KLF12: variants seen among roughly 807,000 people sequenced by gnomAD.
KLF12 encodes Krueppel-like factor 12.
KLF12 carries 9 observed loss-of-function variants against 37.8 expected under a neutral mutation model. The observed-to-expected ratio is 0.24, with a 90% CI of 0.14 to 0.42. The LOEUF (loss-of-function observed/expected upper bound fraction) is 0.42. KLF12 is among the 10% of genes least tolerant of loss of function. The pLI is 1.00. For missense variants in KLF12, 411 were observed against 516.0 expected (o/e 0.80, Z 1.97); for synonymous variants, 208 against 202.1 (o/e 1.03, Z -0.25).
chr13:74,001,087 T>A (rs1263316111), intron 1 of KLF12, among the ~76,000 whole-genome samples: 1 of 152,210 alleles, frequency 6.6e-6, no homozygotes, highest in Non-Finnish European at 1.5e-5. Flanking sequence ...TACTACCACA[T>A]GTAGTACTGC....
intron 1 of KLF12, among the ~76,000 whole-genome samples, chr13:74,010,106 C>T (rs1892512011): frequency 2.0e-5 from 3 of 152,010 alleles, no homozygotes; most frequent in African/African-American, 7.2e-5. Flanking sequence ...TGCACCACCA[C>T]ACCTGGCTGA....
At chr13:74,087,308 T>G (rs2138796035) in intron 1 of KLF12, among the ~76,000 whole-genome samples, 1 of 151,990 alleles carries the variant, frequency 6.6e-6, no homozygotes, top group African/African-American at 2.4e-5. Flanking sequence ...GTTATATAGG[T>G]CAGAGACAAG....
intron 1 of KLF12, among the ~76,000 whole-genome samples, chr13:74,026,950 C>G (rs1400168249): frequency 6.6e-6 from 1 of 152,228 alleles, no homozygotes; most frequent in African/African-American, 2.4e-5. Context: ...AGTCAGGGGC[C>G]TGCCTTTGGT....
intron 5 of KLF12, among the ~76,000 whole-genome samples, chr13:73,772,368 A>T (rs1323628284): frequency 6.6e-6 from 1 of 152,240 alleles, no homozygotes; most frequent in Non-Finnish European, 1.5e-5. Context: ...GAGCTTAGAC[A>T]AATAATTGAC....
chr13:74,244,992 T>A, the KLF12 span, among the ~76,000 whole-genome samples: 152 of 152,234 alleles, frequency 1.0e-3, 3 homozygotes, highest in East Asian at 0.017. Flanking sequence ...TATTTAGGAT[T>A]TGGAAAAGTC....
At chr13:74,177,733 T>C in the KLF12 span, among the ~76,000 whole-genome samples, 5 of 152,134 alleles carry the variant, frequency 3.3e-5, no homozygotes, top group Admixed American at 6.6e-5. Context: ...GTGGTGCCGA[T>C]GGAGAAGAGA....
intron 1 of KLF12, among the ~76,000 whole-genome samples, chr13:74,104,157 G>T (rs1876520407): frequency 3.3e-5 from 5 of 152,184 alleles, no homozygotes; most frequent in Admixed American, 3.3e-4. Flanking sequence ...GGACTTGTGA[G>T]TCATCACATT....
rs373909446 is a variant in KLF12 at position 73,846,300 on chromosome 13, G to T, written c.197C>A (p.Pro66Gln). 14 of 1,613,914 alleles carry T rather than the reference G, an allele frequency of 8.7e-6. No homozygotes were observed. Among genetic ancestry groups the T allele is most frequent in the Non-Finnish European group, 1.2e-5 (14 of 1,179,926 alleles). Reference sequence around the variant, plus strand: ...GTGATCTACAGATAACGAGTCCTCCGGGGGCTCCCCTTTCACATTATTTAG... The same window carrying T: ...GTGATCTACAGATAACGAGTCCTCCTGGGGCTCCCCTTTCACATTATTTAG... The change falls in exon 4 of 8, where the codon CCG (proline) becomes CAG (glutamine). Residue 66 changes from proline (P) to glutamine (Q), a missense_variant. Physicochemically the swap from Pro to Gln is moderately conservative, Grantham distance 76 (BLOSUM62 -1). Transcript: ENST00000377669.
chr13:73,799,099 C>T (rs149826591), intron 5 of KLF12, among the ~76,000 whole-genome samples: 63 of 152,174 alleles, frequency 4.1e-4, no homozygotes, highest in African/African-American at 1.4e-3. Context: ...AGCAAGATCC[C>T]GTCTTTTGCA....
intron 1 of KLF12, among the ~76,000 whole-genome samples, chr13:74,050,816 T>G (rs1242226618): frequency 2.0e-5 from 3 of 152,048 alleles, no homozygotes; most frequent in Non-Finnish European, 4.4e-5. Context: ...TGCTAAACAT[T>G]CATTTGATAA....
chr13:74,193,525 A>G, the KLF12 span, among the ~76,000 whole-genome samples: 3 of 152,146 alleles, frequency 2.0e-5, no homozygotes, highest in Non-Finnish European at 4.4e-5. Context: ...TGCTATGCAA[A>G]CTGGTTACTG....
intron 5 of KLF12, among the ~76,000 whole-genome samples, chr13:73,803,423 T>C (rs993184534): frequency 6.6e-6 from 1 of 152,090 alleles, no homozygotes; most frequent in Non-Finnish European, 1.5e-5. Flanking sequence ...TAAAATGTAA[T>C]CTTACCAGAG....
At position 73,695,593 on chromosome 13, in the gene KLF12, C is replaced by A; in HGVS notation, c.1106G>T (p.Arg369Leu). The stretch of plus-strand genomic sequence containing the variant: ...GAATGGCTTCACTCCCGTATGTTTG[C>A]GGTAATGCCTCGTCAGTTCATCTGA... The change falls in exon 8 of 8, where the codon CGC becomes CTC. Residue 369 changes from arginine to leucine, a missense_variant. Around this residue, in one of 2 missense-constraint regions of KLF12, gnomAD observed 60 missense variants for 118.2 expected, o/e 0.51. Transcript: ENST00000377669. 1 of 1,614,074 alleles carries A rather than the reference C, an allele frequency of 6.2e-7. No homozygotes were observed. Among genetic ancestry groups the A allele is most frequent in the Non-Finnish European group, 8.5e-7 (1 of 1,179,976 alleles).
At chr13:74,265,912 T>G in the KLF12 span, among the ~76,000 whole-genome samples, 1 of 152,238 alleles carries the variant, frequency 6.6e-6, no homozygotes, top group Non-Finnish European at 1.5e-5. Flanking sequence ...CTACCATCAA[T>G]GACTGAAATG....
rs574892305 is a variant in KLF12, at chr13:73,812,984, T to C, written c.806+168A>G. On this transcript the variant is annotated intron_variant, in intron 5 of 7. Coordinates refer to ENST00000377669, the MANE Select transcript of KLF12 (RefSeq NM_007249.5). ...ATTTCCAACTCATTAAAACACTCCATTCTCTGCCCTAATCTCCCAAAGAGC... is the reference window on the plus strand; with the variant it reads ...ATTTCCAACTCATTAAAACACTCCACTCTCTGCCCTAATCTCCCAAAGAGC... 4.1e-4 allele frequency: 269 copies of C among 649,238 alleles called. 6 individuals carry two copies. In the East Asian group the frequency reaches 7.2e-3, roughly 17 times the overall value. 40.2% of individuals were successfully genotyped at this position (649,238 alleles called of 1,614,324 possible).
chr13:74,020,002 A>G (rs147661394), intron 1 of KLF12, among the ~76,000 whole-genome samples: 2 of 152,256 alleles, frequency 1.3e-5, no homozygotes, highest in African/African-American at 2.4e-5. Flanking sequence ...CATGTCTTAA[A>G]GGTGCTTGAC....
At chr13:73,702,118 T>G (rs1874602346) in intron 7 of KLF12, among the ~76,000 whole-genome samples, 1 of 152,196 alleles carries the variant, frequency 6.6e-6, no homozygotes, top group South Asian at 2.1e-4. Flanking sequence ...CAACTTTCTA[T>G]GTATATGCAG....
chr13:73,937,622 G>T (rs1028205031), intron 3 of KLF12, among the ~76,000 whole-genome samples: 1 of 152,158 alleles, frequency 6.6e-6, no homozygotes, highest in African/African-American at 2.4e-5. Flanking sequence ...GGTGGCAGGA[G>T]AATTAAGTTG....
the KLF12 span, among the ~76,000 whole-genome samples, chr13:74,303,250 T>C: frequency 1.1e-4 from 17 of 152,184 alleles, no homozygotes; most frequent in Non-Finnish European, 1.9e-4. Flanking sequence ...CTGCATCTTA[T>C]CTCATGCTTG....
Sources: allele counts gnomAD v4.1 joint callset (sites outside exome capture counted in the v4.1 genomes callset), GRCh38; gene constraint gnomAD v4.1.1; regional missense constraint gnomAD v4.1.1; transcripts MANE v1.5; gene names NCBI Gene and HGNC (gene_info 2026-07-23, HGNC 2026-07-21).